The following RAB21 variants were observed in gnomAD, a reference collection of about 807,000 sequenced individuals.
RAB21 encodes RAB21, member RAS oncogene family, also known as ras-related protein Rab-21.
A neutral mutation model predicts 33.1 loss-of-function variants in RAB21; 13 were observed. That is an observed-to-expected ratio of 0.39 (90% confidence interval 0.26 to 0.62). The LOEUF (loss-of-function observed/expected upper bound fraction) is 0.62, where lower values mean the gene tolerates loss of function less well. Among genes scored for constraint, RAB21 ranks in the 20% least tolerant of loss-of-function variants. RAB21 has a pLI of 0.48. For missense variants in RAB21, 234 were observed against 279.1 expected (o/e 0.84, Z 1.15); for synonymous variants, 91 against 103.7 (o/e 0.88, Z 0.74).
rs1360535784 is a variant in RAB21, at chr12:71,789,077, A to G, written c.*3404A>G. On this transcript the variant is annotated 3_prime_UTR_variant, in exon 7 of 7. Coordinates refer to ENST00000261263, the MANE Select transcript of RAB21 (RefSeq NM_014999.4). ...CATTAAAGTGAAGAAGAAGAGTAGT[A>G]CTTCACTTTTAGGTTTTTAGTAGTG... The G allele has an allele frequency of 2.0e-5, 3 of 151,900 alleles. No individual in the cohort carries two copies. Among genetic ancestry groups the G allele is most frequent in the Non-Finnish European group, 4.4e-5 (3 of 67,904 alleles). The allele number at this position is 151,900 out of a possible 1,614,324, so 9.4% of individuals were successfully genotyped here.
intron 6 of RAB21, among the ~76,000 whole-genome samples, chr12:71,783,533 A>G (rs1418402225): frequency 6.6e-6 from 1 of 151,994 alleles, no homozygotes; most frequent in Non-Finnish European, 1.5e-5. Flanking sequence ...CTTCTAAAAT[A>G]TTGATTATGT....
chr12:71,783,138 GAC>G (rs1179645320), intron 6 of RAB21, among the ~76,000 whole-genome samples: 1 of 151,954 alleles, frequency 6.6e-6, no homozygotes, highest in Non-Finnish European at 1.5e-5. Context: ...ATCTTTTAAA[GAC>G]ACATTAAAAT....
chr12:71,785,304 A>G (rs1883267739), intron 6 of RAB21, among the ~76,000 whole-genome samples: 1 of 152,220 alleles, frequency 6.6e-6, no homozygotes, highest in Admixed American at 6.5e-5. Flanking sequence ...CACTGTGGCC[A>G]TTATACCACT....
rs969292517 is a variant in RAB21, at chr12:71,793,716, C to T, written c.*8043C>T. ...AAAAGATTTTAGCCAAAAGTAGTGG[C>T]ATAAGAAATTTATTTATGCGAAAGA... On this transcript the variant is annotated 3_prime_UTR_variant, in exon 7 of 7. Transcript: ENST00000261263. 1 of 152,170 alleles carries T rather than the reference C, an allele frequency of 6.6e-6. No individual in the cohort carries two copies. Among genetic ancestry groups the T allele is most frequent in the South Asian group, 2.1e-4 (1 of 4,834 alleles). 9.4% of individuals were successfully genotyped at this position (152,170 alleles called of 1,614,324 possible).
At chr12:71,756,393 A>C (rs1882786178) in intron 1 of RAB21, among the ~76,000 whole-genome samples, 1 of 152,232 alleles carries the variant, frequency 6.6e-6, no homozygotes, top group Non-Finnish European at 1.5e-5. Flanking sequence ...CAACTTGCAC[A>C]ATAGGTCTTA....
chr12:71,759,419 A>C (rs184541640), intron 1 of RAB21, among the ~76,000 whole-genome samples: 1 of 152,258 alleles, frequency 6.6e-6, no homozygotes, highest in Non-Finnish European at 1.5e-5. Flanking sequence ...CTCTGCAGCA[A>C]GTTTTACTGT....
At chr12:71,776,490 C>T (rs887880496) in intron 4 of RAB21, among the ~76,000 whole-genome samples, 35 of 151,746 alleles carry the variant, frequency 2.3e-4, no homozygotes, top group Admixed American at 1.6e-3. Flanking sequence ...TATTATAAGA[C>T]GTTTTAGGAA....
intron 4 of RAB21, among the ~76,000 whole-genome samples, chr12:71,777,576 TTATA>T (rs1364521036): frequency 6.6e-6 from 1 of 152,242 alleles, no homozygotes; most frequent in African/African-American, 2.4e-5. Flanking sequence ...ATGATGAAGA[TTATA>T]TAATGATTTG....
chr12:71,762,553 C>G (rs953546490), intron 1 of RAB21, among the ~76,000 whole-genome samples: 2 of 151,992 alleles, frequency 1.3e-5, no homozygotes, highest in Non-Finnish European at 2.9e-5. Context: ...GATCCGCCCG[C>G]CTCGGCCTCC....
intron 1 of RAB21, among the ~76,000 whole-genome samples, chr12:71,769,511 T>C (rs914223872): frequency 2.0e-5 from 3 of 152,160 alleles, no homozygotes; most frequent in African/African-American, 4.8e-5. Context: ...AATTAAATGC[T>C]CTAGGGAAAA....
chr12:71,782,718 AT>A, intron 6 of RAB21, 60 bp downstream of exon 6: 1 of 1,183,070 alleles, frequency 8.5e-7, no homozygotes, highest in South Asian at 1.5e-5. Context: ...TTTTTAAAAA[AT>A]AGTATGTATT....
At position 71,777,283 on chromosome 12, in the gene RAB21, A is replaced by G. The variant is rs530222193; in HGVS notation, c.391+3261A>G. Among the ~76,000 whole-genome samples, 14 of 152,316 alleles carry G rather than the reference A, an allele frequency of 9.2e-5. 1 individual carries two copies. The South Asian group carries it at 2.7e-3, about 29-fold the overall frequency. ...ATTAGTTTTGTTTTGAATTTTATAT[A>G]AATGGAATCATATAATATTAACTCT... On this transcript the variant is annotated intron_variant, in intron 4 of 6. Transcript: ENST00000261263.
At position 71,754,901 on chromosome 12, in the gene RAB21, G is replaced by C; in HGVS notation, c.-229G>C. The stretch of plus-strand genomic sequence containing the variant: ...GACGCCATTAGAGGGAGGCAGAGAG[G>C]GATCGTTCTTCGCTTTTCCTCCGGT... On this transcript the variant is annotated 5_prime_UTR_variant, in exon 1 of 7. Transcript: ENST00000261263. 1 of 198,978 alleles carries C rather than the reference G, an allele frequency of 5.0e-6. No homozygotes were observed. Among genetic ancestry groups the C allele is most frequent in the South Asian group, 1.8e-4 (1 of 5,658 alleles). The allele number at this position is 198,978 out of a possible 1,614,324, so 12.3% of individuals were successfully genotyped here.
rs1413007645 is a variant in RAB21 at position 71,798,882 on chromosome 12, C to T, written c.*13209C>T. On this transcript the variant is annotated 3_prime_UTR_variant, in exon 7 of 7. Coordinates refer to ENST00000261263, the MANE Select transcript of RAB21 (RefSeq NM_014999.4). Reference sequence around the variant, plus strand: ...GGCTGAGAAATTATTAAACTGTTACCCAGAACTTTTTATGCAGATGGGGGG... The same window carrying T: ...GGCTGAGAAATTATTAAACTGTTACTCAGAACTTTTTATGCAGATGGGGGG... The T allele has an allele frequency of 6.6e-6, 1 of 151,590 alleles. No homozygotes were observed. Among genetic ancestry groups the T allele is most frequent in the Non-Finnish European group, 1.5e-5 (1 of 67,828 alleles). 9.4% of individuals were successfully genotyped at this position (151,590 alleles called of 1,614,324 possible). A position where few individuals can be genotyped will look rare whatever the true frequency, so the allele number is the denominator to read the frequency against.
chr12:71,761,038 C>G (rs1592642629), intron 1 of RAB21, among the ~76,000 whole-genome samples: 1 of 148,480 alleles, frequency 6.7e-6, no homozygotes, highest in South Asian at 2.1e-4. Flanking sequence ...GAGTCCATCT[C>G]TAGTTAAAAA....
chr12:71,776,578 G>A (rs997754873), intron 4 of RAB21, among the ~76,000 whole-genome samples: 20 of 151,904 alleles, frequency 1.3e-4, no homozygotes, highest in African/African-American at 4.1e-4. Context: ...TTAATTATTA[G>A]TGTGAAGTAT....
At chr12:71,781,504 T>C (rs1243504443) in intron 4 of RAB21, among the ~76,000 whole-genome samples, 1 of 151,980 alleles carries the variant, frequency 6.6e-6, no homozygotes, top group Non-Finnish European at 1.5e-5. Context: ...TTTCCCCTTA[T>C]GATTGTGGAG....
rs34714209 is a variant in RAB21, at chr12:71,793,722, A to G, written c.*8049A>G. On this transcript the variant is annotated 3_prime_UTR_variant, in exon 7 of 7. Transcript: ENST00000261263. ...TTTTAGCCAAAAGTAGTGGCATAAG[A>G]AATTTATTTATGCGAAAGACATAAT... 0.043 allele frequency: 6,536 copies of G among 152,344 alleles called. 192 individuals are homozygous for G. The highest frequency in any genetic ancestry group is 0.11 in the South Asian group (515 of 4,830). The allele number at this position is 152,344 out of a possible 1,614,324, so 9.4% of individuals were successfully genotyped here. A position where few individuals can be genotyped will look rare whatever the true frequency, so the allele number is the denominator to read the frequency against.
At position 71,791,334 on chromosome 12, in the gene RAB21, CAG is replaced by C. The variant is rs1883379615; in HGVS notation, c.*5662_*5663del. On this transcript the variant is annotated 3_prime_UTR_variant, in exon 7 of 7. Transcript: ENST00000261263. ...ATGCAAGCCAATGCTTAGACAGAATCAGGGTCTGCTTTAAGCATGTGAATCAG... is the reference window on the plus strand; with the variant it reads ...ATGCAAGCCAATGCTTAGACAGAATCGGTCTGCTTTAAGCATGTGAATCAG... 1 of 152,208 alleles carries C rather than the reference CAG, an allele frequency of 6.6e-6. No homozygotes were observed. The highest frequency in any genetic ancestry group is 1.5e-5 in the Non-Finnish European group (1 of 68,050). The allele number at this position is 152,208 out of a possible 1,614,324, so 9.4% of individuals were successfully genotyped here. A position where few individuals can be genotyped will look rare whatever the true frequency, so the allele number is the denominator to read the frequency against.
Sources: gnomAD v4.1 joint callset for allele counts (sites outside exome capture counted in the v4.1 genomes callset) on GRCh38, gnomAD v4.1.1 for gene constraint, MANE v1.5 for transcripts, NCBI Gene and HGNC (gene_info 2026-07-23, HGNC 2026-07-21) for gene names.